Variants in EML6 observed in about 807,000 individuals in gnomAD.
The protein encoded by EML6 is echinoderm microtubule-associated protein-like 6.
In EML6, 154 loss-of-function variants were observed where a neutral mutation model predicts 240.1. The observed-to-expected ratio is 0.64, with a 90% CI of 0.56 to 0.73. EML6 has a LOEUF of 0.73. Among genes scored for constraint, EML6 ranks in the 30% least tolerant of loss-of-function variants. The pLI is 0.00. For synonymous variants in EML6, 1,148 were observed against 899.0 expected (o/e 1.28, Z -4.95); for missense variants, 2,964 against 2,474.6 (o/e 1.20, Z -4.20).
At chr2:54,964,268 C>T (rs1432076667) in intron 37 of EML6, 110 bp downstream of exon 37, 3 of 1,106,430 alleles carry the variant, frequency 2.7e-6, no homozygotes, top group East Asian at 5.2e-5. Context: ...GAGAGGGTCA[C>T]TTTCAACAAG....
At chr2:54,903,244 A>G (rs1289477782) in intron 23 of EML6, 48 bp downstream of exon 23, 2 of 1,531,604 alleles carry the variant, frequency 1.3e-6, no homozygotes, top group Middle Eastern at 1.7e-4. Flanking sequence ...TCTTGGGACA[A>G]AAAATTACAA....
rs1676118857 is a variant in EML6, at chr2:54,954,114, G to A, written c.4444G>A (p.Val1482Met). 9 of 1,551,552 alleles carry A rather than the reference G, an allele frequency of 5.8e-6. No individual in the cohort carries two copies. Among genetic ancestry groups the A allele is most frequent in the Non-Finnish European group, 7.8e-6 (9 of 1,146,982 alleles). ...TGGAAAGCTCCTGGTGTCGGTGGGA[G>A]TGGACCCTGAGCACACCATCACTGT... is the stretch of plus-strand genomic sequence containing the variant. ...ATGKLLVSVG[V>M]DPEHTITVWR... The change falls in exon 32 of 42, where the codon GTG becomes ATG. Residue 1482 changes from valine to methionine, a missense_variant. Val to Met is a conservative substitution (Grantham distance 21). Coordinates refer to ENST00000356458, the MANE Select transcript of EML6 (RefSeq NM_001039753.4).
intron 28 of EML6, among the ~76,000 whole-genome samples, chr2:54,930,261 T>G (rs1674782202): frequency 6.6e-6 from 1 of 152,166 alleles, no homozygotes; most frequent in Non-Finnish European, 1.5e-5. Flanking sequence ...TAACCCAAGC[T>G]CCAAATTCCA....
intron 2 of EML6, among the ~76,000 whole-genome samples, chr2:54,728,893 A>G (rs935826407): frequency 6.6e-6 from 1 of 152,114 alleles, no homozygotes; most frequent in African/African-American, 2.4e-5. Context: ...CACTTGCCAT[A>G]TGATGACTCT....
At chr2:54,946,055 C>T (rs1160312799) in intron 28 of EML6, among the ~76,000 whole-genome samples, 1 of 152,228 alleles carries the variant, frequency 6.6e-6, no homozygotes, top group Non-Finnish European at 1.5e-5. Context: ...TTCACTCTGT[C>T]TTCTTGGCAG....
At chr2:54,923,046 A>G (rs918100235) in intron 26 of EML6, among the ~76,000 whole-genome samples, 5 of 145,306 alleles carry the variant, frequency 3.4e-5, no homozygotes, top group African/African-American at 1.3e-4. Flanking sequence ...GGTTCAACCG[A>G]TTCTCCTGCC....
At chr2:54,968,398 T>A (rs1676844347) in intron 40 of EML6, 117 bp downstream of exon 40, 1 of 991,194 alleles carries the variant, frequency 1.0e-6, no homozygotes, top group Admixed American at 2.3e-5. Context: ...CCCGGTACAG[T>A]GGAAATATGG....
Position 54,772,414 on chromosome 2 carries a change from T to A in EML6, c.198-40818T>A, listed in dbSNP as rs145306098. 8.7e-4 allele frequency among the ~76,000 whole-genome samples: 132 copies of A among 152,232 alleles called. 3 individuals carry two copies. The East Asian group carries it at 0.025, about 28-fold the overall frequency. ...TTGAAGGATTTCACCAGGAAGAAAA[T>A]AGTCATATGGAACGGTGAAAATTAT... On this transcript the variant is annotated intron_variant, in intron 2 of 41. Coordinates refer to ENST00000356458, the MANE Select transcript of EML6 (RefSeq NM_001039753.4).
At chr2:54,827,868 C>T in intron 6 of EML6, 117 bp downstream of exon 6, 1 of 675,512 alleles carries the variant, frequency 1.5e-6, no homozygotes, top group South Asian at 2.1e-5. Context: ...TGAACACTCC[C>T]TACTCATGAT....
At chr2:54,934,434 C>T (rs758305881) in intron 28 of EML6, among the ~76,000 whole-genome samples, 16 of 152,106 alleles carry the variant, frequency 1.1e-4, no homozygotes, top group African/African-American at 2.2e-4. Context: ...AATTTTTAGA[C>T]ATCTGCCAGG....
At chr2:54,798,215 C>T (rs1355510245) in intron 2 of EML6, among the ~76,000 whole-genome samples, 1 of 152,072 alleles carries the variant, frequency 6.6e-6, no homozygotes, top group Admixed American at 6.6e-5. Context: ...CCCTGTTGCC[C>T]AGGCTGGAGT....
chr2:54,868,678 G>A (rs1053820758), intron 14 of EML6: 1 of 152,466 alleles, frequency 6.6e-6, no homozygotes, highest in African/African-American at 2.4e-5. Flanking sequence ...GAAATCACTT[G>A]ATTTGCAGGA....
At chr2:54,894,587 G>C (rs1009575802) in intron 19 of EML6, among the ~76,000 whole-genome samples, 1 of 152,142 alleles carries the variant, frequency 6.6e-6, no homozygotes, top group African/African-American at 2.4e-5. Flanking sequence ...TTTTGAGGCT[G>C]GTTCCATTCT....
chr2:54,828,625 T>A (rs1305636770), intron 6 of EML6, among the ~76,000 whole-genome samples: 1 of 152,216 alleles, frequency 6.6e-6, no homozygotes, highest in Admixed American at 6.5e-5. Flanking sequence ...TCACTAATTA[T>A]GAAACAGCTC....
intron 2 of EML6, among the ~76,000 whole-genome samples, chr2:54,768,225 C>T (rs1483684346): frequency 6.6e-6 from 1 of 151,930 alleles, no homozygotes; most frequent in Non-Finnish European, 1.5e-5. Flanking sequence ...TTGTTTTGGC[C>T]TTAGTTGATC....
intron 17 of EML6, chr2:54,881,409 C>G (rs1346396196): frequency 6.6e-6 from 1 of 152,022 alleles, no homozygotes; most frequent in African/African-American, 2.4e-5. Flanking sequence ...AATCCCAGCA[C>G]TTTGTGAGGC....
intron 5 of EML6, 127 bp downstream of exon 5, chr2:54,820,589 C>G: frequency 1.8e-6 from 1 of 567,860 alleles, no homozygotes; most frequent in Non-Finnish European, 3.1e-6. Flanking sequence ...AGCCCTCTTA[C>G]CTGTTTCTCT....
intron 2 of EML6, among the ~76,000 whole-genome samples, chr2:54,805,698 CTTT>C (rs1333998683): frequency 6.6e-6 from 1 of 151,998 alleles, no homozygotes; most frequent in East Asian, 1.9e-4. Flanking sequence ...CCAATTTCTC[CTTT>C]GTGTAATGGT....
intron 2 of EML6, among the ~76,000 whole-genome samples, chr2:54,785,956 T>A (rs1253388686): frequency 1.3e-5 from 2 of 151,106 alleles, no homozygotes; most frequent in African/African-American, 4.9e-5. Context: ...TATATTTGTA[T>A]GTGTGTGTGT....
Sources: allele counts gnomAD v4.1 joint callset (sites outside exome capture counted in the v4.1 genomes callset), GRCh38; gene constraint gnomAD v4.1.1; transcripts MANE v1.5; gene names NCBI Gene and HGNC (gene_info 2026-07-23, HGNC 2026-07-21).